AKAP13: variants seen among roughly 807,000 people sequenced by gnomAD.
AKAP13 encodes A-kinase anchor protein 13.
AKAP13 carries 80 observed loss-of-function variants against 264.5 expected under a neutral mutation model. The ratio of observed to expected loss-of-function variants is 0.30; its 90% CI spans 0.25 to 0.36. The LOEUF is 0.36. Ranked by LOEUF, AKAP13 falls within the 10% of genes least tolerant of loss-of-function variation. AKAP13 has a pLI of 1.00. For missense variants in AKAP13, 3,712 were observed against 3,435.2 expected, an observed-to-expected ratio of 1.08 and a Z score of -2.01; for synonymous variants, 1,380 against 1,250.2, an observed-to-expected ratio of 1.10 and a Z score of -2.19.
chr15:85,626,573 G>A (rs1043526834), intron 8 of AKAP13, among the ~76,000 whole-genome samples: 1 of 152,220 alleles, frequency 6.6e-6, no homozygotes, highest in Non-Finnish European at 1.5e-5. Flanking sequence ...GCATGTGTCA[G>A]AATTTCCTTT....
At chr15:85,613,691 A>AAAATATATATATATATATATATAT (rs1313187436) in intron 8 of AKAP13, among the ~76,000 whole-genome samples, 2 of 91,968 alleles carry the variant, frequency 2.2e-5, no homozygotes, top group African/African-American at 9.1e-5. Context: ...AAAAAAAAAA[A>AAAATATATATATATATATATATAT]ATATATATAT....
rs529139252 is a variant in AKAP13, at chr15:85,744,746, G to A, written c.*69G>A. The A allele has an allele frequency of 1.7e-5, 25 of 1,448,518 alleles. No individual in the cohort carries two copies. Among genetic ancestry groups the A allele is most frequent in the African/African-American group, 5.7e-5 (4 of 70,420 alleles). 89.7% of individuals were successfully genotyped at this position (1,448,518 alleles called of 1,614,324 possible). On this transcript the variant is annotated 3_prime_UTR_variant, in exon 37 of 37. Transcript: ENST00000394518. ...AGCCCACCTCTCCTGCTGTCCCCGCGTGCACAAGTCTCTTACACTGGACGC... is the reference window on the plus strand; with the variant it reads ...AGCCCACCTCTCCTGCTGTCCCCGCATGCACAAGTCTCTTACACTGGACGC...
chr15:85,489,339 ACTT>A (rs2075660834), intron 2 of AKAP13, among the ~76,000 whole-genome samples: 1 of 152,236 alleles, frequency 6.6e-6, no homozygotes, highest in Non-Finnish European at 1.5e-5. Context: ...ACTGAAGAAT[ACTT>A]CTTTAAACTT....
At chr15:85,560,954 T>C (rs2078349009) in intron 5 of AKAP13, among the ~76,000 whole-genome samples, 1 of 151,992 alleles carries the variant, frequency 6.6e-6, no homozygotes, top group South Asian at 2.1e-4. Flanking sequence ...TGGCTGCACA[T>C]TAAAGTCTCT....
At chr15:85,681,359 A>C (rs910877287) in intron 14 of AKAP13, among the ~76,000 whole-genome samples, 20 of 152,228 alleles carry the variant, frequency 1.3e-4, no homozygotes, top group Admixed American at 1.3e-3. Flanking sequence ...TCTTGCTCTC[A>C]TCTAAGTCTT....
intron 1 of AKAP13, chr15:85,381,638 T>C (rs1422251163): frequency 2.0e-5 from 3 of 151,874 alleles, no homozygotes; most frequent in Non-Finnish European, 4.4e-5. Flanking sequence ...TGTTTTGTTT[T>C]GGAAATAGTT....
intron 16 of AKAP13, among the ~76,000 whole-genome samples, chr15:85,685,632 A>G (rs2151616122): frequency 6.6e-6 from 1 of 152,230 alleles, no homozygotes; most frequent in East Asian, 1.9e-4. Context: ...CCAGGGCTAC[A>G]GTCATGTTGT....
At chr15:85,608,492 A>C (rs2080453585) in intron 8 of AKAP13, among the ~76,000 whole-genome samples, 1 of 152,214 alleles carries the variant, frequency 6.6e-6, no homozygotes, top group Admixed American at 6.5e-5. Flanking sequence ...TTAGAATCAG[A>C]CCAACATGCA....
At chr15:85,569,663 G>A (rs886513623) in intron 5 of AKAP13, among the ~76,000 whole-genome samples, 1 of 151,922 alleles carries the variant, frequency 6.6e-6, no homozygotes, top group Non-Finnish European at 1.5e-5. Flanking sequence ...ATGTTGGCCA[G>A]GCTGGCCTTG....
At chr15:85,647,073 T>G (rs2082592653) in intron 10 of AKAP13, among the ~76,000 whole-genome samples, 1 of 152,106 alleles carries the variant, frequency 6.6e-6, no homozygotes, top group South Asian at 2.1e-4. Context: ...GGTGATTAGG[T>G]TGTCCAAGAT....
chr15:85,545,922 C>A (rs1296380308), intron 5 of AKAP13, among the ~76,000 whole-genome samples: 1 of 152,166 alleles, frequency 6.6e-6, no homozygotes, highest in Non-Finnish European at 1.5e-5. Flanking sequence ...ACAACACTCA[C>A]AGAGTTACGT....
chr15:85,536,360 A>G (rs1270138950), intron 4 of AKAP13: 1 of 152,240 alleles, frequency 6.6e-6, no homozygotes, highest in Non-Finnish European at 1.5e-5. Context: ...AGAACATATC[A>G]TATGTTGCTT....
chr15:85,487,003 A>T (rs1261177691), intron 2 of AKAP13, among the ~76,000 whole-genome samples: 1 of 152,128 alleles, frequency 6.6e-6, no homozygotes, highest in Non-Finnish European at 1.5e-5. Flanking sequence ...AAGTGCTGGG[A>T]TTACAGGCGT....
chr15:85,501,988 G>C (rs1162454464), intron 2 of AKAP13, among the ~76,000 whole-genome samples: 1 of 152,226 alleles, frequency 6.6e-6, no homozygotes, highest in African/African-American at 2.4e-5. Flanking sequence ...TGGTACGGCG[G>C]AGCATGGTGC....
chr15:85,568,486 A>C (rs1006137257), intron 5 of AKAP13, among the ~76,000 whole-genome samples: 1 of 152,188 alleles, frequency 6.6e-6, no homozygotes, highest in African/African-American at 2.4e-5. Context: ...GTTTGGCTGC[A>C]GAATGGGGTA....
At chr15:85,661,625 G>T (rs1474979327) in intron 12 of AKAP13, among the ~76,000 whole-genome samples, 2 of 152,062 alleles carry the variant, frequency 1.3e-5, no homozygotes, top group Non-Finnish European at 2.9e-5. Flanking sequence ...GGAGGCTGAG[G>T]CAGGAGAATC....
chr15:85,408,312 C>G (rs1420772058), intron 1 of AKAP13, among the ~76,000 whole-genome samples: 9 of 151,728 alleles, frequency 5.9e-5, no homozygotes, highest in Admixed American at 3.9e-4. Context: ...AACACACATA[C>G]CATAAAATTT....
intron 29 of AKAP13, among the ~76,000 whole-genome samples, chr15:85,730,035 G>T (rs1013455189): frequency 2.6e-5 from 4 of 152,174 alleles, no homozygotes; most frequent in African/African-American, 9.7e-5. Flanking sequence ...ATTGCAGATG[G>T]CAGATCTGTA....
intron 13 of AKAP13, among the ~76,000 whole-genome samples, chr15:85,668,916 C>G (rs2083753291): frequency 6.6e-6 from 1 of 151,568 alleles, no homozygotes; most frequent in Non-Finnish European, 1.5e-5. Context: ...GCACTCCAGC[C>G]TGGGCGACAC....
Sources: gnomAD v4.1 joint callset for allele counts (sites outside exome capture counted in the v4.1 genomes callset) on GRCh38, gnomAD v4.1.1 for gene constraint, MANE v1.5 for transcripts, NCBI Gene and HGNC (gene_info 2026-07-23, HGNC 2026-07-21) for gene names.